The following SPATA16 variants were observed in gnomAD, a reference collection of about 807,000 sequenced individuals.
SPATA16 encodes spermatogenesis-associated protein 16.
A neutral mutation model predicts 63.3 loss-of-function variants in SPATA16; 36 were observed. The observed-to-expected ratio is 0.57, with a 90% CI of 0.44 to 0.75. The LOEUF is 0.75. Among genes scored for constraint, SPATA16 ranks in the 30% least tolerant of loss-of-function variants. The probability of loss-of-function intolerance (pLI) is 0.00; values close to 1 mark genes in which losing one functional copy is unlikely to be tolerated. For missense variants in SPATA16, 646 were observed against 679.3 expected (o/e 0.95, Z 0.54); for synonymous variants, 203 against 216.7 (o/e 0.94, Z 0.56).
intron 2 of SPATA16, among the ~76,000 whole-genome samples, chr3:173,057,362 C>T (rs1391128767): frequency 1.3e-5 from 2 of 152,074 alleles, no homozygotes; most frequent in Non-Finnish European, 2.9e-5. Flanking sequence ...ATCCTCCCGT[C>T]TCGGCCTCCC....
At chr3:172,915,812 C>T (rs1732470963) in intron 9 of SPATA16, among the ~76,000 whole-genome samples, 1 of 152,118 alleles carries the variant, frequency 6.6e-6, no homozygotes, top group Non-Finnish European at 1.5e-5. Context: ...GTTTTCCCTT[C>T]AAATAAACAG....
At chr3:173,034,170 T>C (rs1735665295) in intron 3 of SPATA16, among the ~76,000 whole-genome samples, 1 of 152,194 alleles carries the variant, frequency 6.6e-6, no homozygotes, top group Non-Finnish European at 1.5e-5. Flanking sequence ...GGTAAATACA[T>C]ACTTAAACTA....
intron 2 of SPATA16, among the ~76,000 whole-genome samples, chr3:173,066,072 G>A (rs566836320): frequency 6.6e-6 from 1 of 152,006 alleles, no homozygotes; most frequent in African/African-American, 2.4e-5. Flanking sequence ...CTTCCACTTG[G>A]GGGAAGGAGA....
chr3:172,920,934 A>G (rs115883334), intron 8 of SPATA16, among the ~76,000 whole-genome samples: 4,260 of 152,228 alleles, frequency 0.028, 78 homozygotes, highest in Non-Finnish European at 0.041. Context: ...AATGCATTGC[A>G]TTTTCATATT....
intron 1 of SPATA16, among the ~76,000 whole-genome samples, chr3:173,128,946 C>A (rs2108346092): frequency 6.6e-6 from 1 of 152,366 alleles, no homozygotes; most frequent in African/African-American, 2.4e-5. Flanking sequence ...GGCACCTGGG[C>A]TTCCACGGAT....
intron 4 of SPATA16, among the ~76,000 whole-genome samples, chr3:173,012,580 A>G (rs1735096827): frequency 6.6e-6 from 1 of 152,210 alleles, no homozygotes; most frequent in Non-Finnish European, 1.5e-5. Context: ...AAAAACACAC[A>G]CAGAGACCTA....
At chr3:173,077,597 G>A (rs1314516806) in intron 2 of SPATA16, among the ~76,000 whole-genome samples, 1 of 152,184 alleles carries the variant, frequency 6.6e-6, no homozygotes, top group Non-Finnish European at 1.5e-5. Flanking sequence ...TTTTGCTAGA[G>A]AACTAATCAG....
intron 9 of SPATA16, 41 bp from the exon 10 acceptor site, chr3:172,913,785 C>G (rs377017300): frequency 6.5e-7 from 1 of 1,541,954 alleles, no homozygotes; most frequent in Non-Finnish European, 9.0e-7. Flanking sequence ...GGAATTCACA[C>G]AGAAATAACT....
intron 2 of SPATA16, among the ~76,000 whole-genome samples, chr3:173,061,660 C>A (rs768955720): frequency 6.6e-6 from 1 of 151,766 alleles, no homozygotes; most frequent in African/African-American, 2.4e-5. Flanking sequence ...ACTCCCTTAA[C>A]AGGGTGGAAA....
chr3:172,893,381 G>C (rs528725345), intron 10 of SPATA16, among the ~76,000 whole-genome samples: 5 of 152,168 alleles, frequency 3.3e-5, no homozygotes, highest in Non-Finnish European at 7.3e-5. Context: ...ACAAGCCAAG[G>C]TACGATAAAG....
At chr3:172,979,929 T>C (rs1287647498) in intron 4 of SPATA16, among the ~76,000 whole-genome samples, 1 of 152,236 alleles carries the variant, frequency 6.6e-6, no homozygotes, top group African/African-American at 2.4e-5. Context: ...TGTATTTCTT[T>C]CGATACCTGG....
At chr3:172,960,930 C>T (rs13077179) in intron 5 of SPATA16, among the ~76,000 whole-genome samples, 4 of 129,384 alleles carry the variant, frequency 3.1e-5, no homozygotes, top group African/African-American at 8.4e-5. Flanking sequence ...TCCTTCCTTC[C>T]TTCTCTTTCT....
intron 6 of SPATA16, among the ~76,000 whole-genome samples, chr3:172,941,848 A>G (rs1733154237): frequency 6.6e-6 from 1 of 152,118 alleles, no homozygotes; most frequent in South Asian, 2.1e-4. Flanking sequence ...GGTTAGAATA[A>G]AAATATATTA....
intron 1 of SPATA16, among the ~76,000 whole-genome samples, chr3:173,117,954 G>A (rs1165226330): frequency 1.3e-5 from 2 of 152,170 alleles, no homozygotes; most frequent in East Asian, 3.8e-4. Context: ...ATAAGAATTT[G>A]TTGTAAACAC....
intron 4 of SPATA16, among the ~76,000 whole-genome samples, chr3:172,979,034 G>A (rs1364929201): frequency 2.0e-5 from 3 of 152,198 alleles, no homozygotes; most frequent in East Asian, 1.9e-4. Context: ...TCAGGAGATC[G>A]AGACCATCCT....
At chr3:172,901,656 T>G (rs1224027721) in intron 10 of SPATA16, among the ~76,000 whole-genome samples, 5 of 152,180 alleles carry the variant, frequency 3.3e-5, no homozygotes, top group Non-Finnish European at 5.9e-5. Context: ...AACTGCCTTG[T>G]TACTTCCACG....
At position 172,924,301 on chromosome 3, in the gene SPATA16, G is replaced by A. The variant is rs536087951; in HGVS notation, c.1245C>T (p.Phe415=). ...LPIFTEHKTP[F]GLTREDTVRQ... is the part of the protein sequence containing the mutation. Reference sequence around the variant, plus strand: ...TCACTGTATCTTCTCTGGTCAGACCGAAAGGTGTTTTATGCTCTAAAAATT... The same window carrying A: ...TCACTGTATCTTCTCTGGTCAGACCAAAAGGTGTTTTATGCTCTAAAAATT... Residue 415 remains phenylalanine, a synonymous_variant, in exon 8 of 11, where the codon TTC becomes TTT. Coordinates refer to ENST00000351008, the MANE Select transcript of SPATA16 (RefSeq NM_031955.6). 53 of 1,612,692 alleles carry A rather than the reference G, an allele frequency of 3.3e-5. No homozygotes were observed. Among genetic ancestry groups the A allele is most frequent in the East Asian group, 2.9e-4 (13 of 44,794 alleles).
intron 4 of SPATA16, among the ~76,000 whole-genome samples, chr3:172,988,957 T>C (rs1018314561): frequency 1.3e-5 from 2 of 152,194 alleles, no homozygotes; most frequent in East Asian, 3.8e-4. Flanking sequence ...TAAGATAATA[T>C]ATAAACATGT....
chr3:172,968,449 G>A (rs1488908010), intron 5 of SPATA16, among the ~76,000 whole-genome samples: 1 of 152,188 alleles, frequency 6.6e-6, no homozygotes, highest in African/African-American at 2.4e-5. Context: ...GTACATGTTG[G>A]GTTGAAGTGG....
Sources: gnomAD v4.1 joint callset for allele counts (sites outside exome capture counted in the v4.1 genomes callset) on GRCh38, gnomAD v4.1.1 for gene constraint, MANE v1.5 for transcripts, NCBI Gene and HGNC (gene_info 2026-07-23, HGNC 2026-07-21) for gene names.